Variants in MAML2 observed in about 807,000 individuals in gnomAD.
The protein encoded by MAML2 is mastermind like transcriptional coactivator 2.
MAML2 carries 22 observed loss-of-function variants against 96.1 expected under a neutral mutation model. That is an observed-to-expected ratio of 0.23 (90% CI 0.16 to 0.33). MAML2 has a LOEUF of 0.33. MAML2 is among the 10% of genes least tolerant of loss of function. The pLI is 1.00. For synonymous variants in MAML2, 561 were observed against 521.3 expected, an observed-to-expected ratio of 1.08 and a Z score of -1.04; for missense variants, 1,367 against 1,392.4, an observed-to-expected ratio of 0.98 and a Z score of 0.29.
Position 96,341,516 on chromosome 11 carries a change from G to T in MAML2, c.380C>A (p.Pro127Gln), listed in dbSNP as rs1185032963. Residue 127 changes from proline to glutamine, a missense_variant, in exon 1 of 5, where the codon CCA becomes CAA. Transcript: ENST00000524717. ...QAAATAAPPPPPDYHHHHQQH... is the reference protein window; with the variant it reads ...QAAATAAPPPQPDYHHHHQQH... ...CTGGTGGTGATGGTGATAGTCTGGT[G>T]GGGGCGGTGGGGCTGCTGTTGCTGC... 6 of 1,551,578 alleles carry T rather than the reference G, an allele frequency of 3.9e-6. No individual in the cohort carries two copies. The highest frequency in any genetic ancestry group is 5.2e-6 in the Non-Finnish European group (6 of 1,146,974).
chr11:96,128,478 A>G (rs1217685160), intron 1 of MAML2, among the ~76,000 whole-genome samples: 2 of 152,180 alleles, frequency 1.3e-5, no homozygotes, highest in Non-Finnish European at 2.9e-5. Context: ...GCTTATTGGT[A>G]TCATCATATA....
chr11:96,222,244 G>A (rs1862150725), intron 1 of MAML2, among the ~76,000 whole-genome samples: 1 of 152,216 alleles, frequency 6.6e-6, no homozygotes, highest in Admixed American at 6.5e-5. Flanking sequence ...TAGAAGCCAT[G>A]AGTTCCATAA....
chr11:96,106,980 C>CTTTTTTTTTTTTTTTTTT lies in MAML2; in HGVS notation c.514-13464_514-13463insAAAAAAAAAAAAAAAAAA, dbSNP rs71040129. Among the ~76,000 whole-genome samples, 15 of 90,298 alleles carry CTTTTTTTTTTTTTTTTTT rather than the reference C, an allele frequency of 1.7e-4. 1 individual carries two copies. Among genetic ancestry groups the CTTTTTTTTTTTTTTTTTT allele is most frequent in the East Asian group, 3.9e-4 (1 of 2,590 alleles). 59.2% of individuals were successfully genotyped at this position (90,298 alleles called of 152,430 possible). A position where few individuals can be genotyped will look rare whatever the true frequency, so the allele number is the denominator to read the frequency against. On this transcript the variant is annotated intron_variant, in intron 1 of 4. Coordinates refer to ENST00000524717, the MANE Select transcript of MAML2 (RefSeq NM_032427.4). ...TGCCATTGTAACTATGAAAAGAGTC[C>CTTTTTTTTTTTTTTTTTT]TTTTTTTTTTTTTGACCAGTGTATT...
intron 2 of MAML2, among the ~76,000 whole-genome samples, chr11:96,027,119 A>G (rs1858537206): frequency 6.6e-6 from 1 of 152,162 alleles, no homozygotes; most frequent in Admixed American, 6.5e-5. Context: ...AGCTGATGGG[A>G]CTTTGATTAC....
intron 2 of MAML2, among the ~76,000 whole-genome samples, chr11:96,077,653 C>T (rs1011462669): frequency 6.6e-6 from 1 of 152,150 alleles, no homozygotes; most frequent in Non-Finnish European, 1.5e-5. Flanking sequence ...CAGAAGCAAA[C>T]CATTTTGTGG....
At chr11:96,313,258 T>G (rs1209779720) in intron 1 of MAML2, among the ~76,000 whole-genome samples, 1 of 152,040 alleles carries the variant, frequency 6.6e-6, no homozygotes, top group African/African-American at 2.4e-5. Context: ...CTCTAAGAGG[T>G]TCACAAATCC....
chr11:96,149,756 C>T (rs888853813), intron 1 of MAML2, among the ~76,000 whole-genome samples: 18 of 152,020 alleles, frequency 1.2e-4, no homozygotes, highest in South Asian at 8.3e-4. Flanking sequence ...GTAAAGTTGT[C>T]CTCAGTCTGT....
At chr11:96,035,760 T>G (rs552430207) in intron 2 of MAML2, among the ~76,000 whole-genome samples, 1 of 152,346 alleles carries the variant, frequency 6.6e-6, no homozygotes, top group East Asian at 1.9e-4. Flanking sequence ...CAAAAGAGAC[T>G]GAGGAGATTT....
intron 1 of MAML2, among the ~76,000 whole-genome samples, chr11:96,116,689 A>G (rs1334841045): frequency 1.3e-5 from 2 of 152,256 alleles, no homozygotes; most frequent in African/African-American, 4.8e-5. Context: ...TCTACTAAAC[A>G]AGTGGATTCC....
At chr11:96,157,051 G>C (rs1861021018) in intron 1 of MAML2, among the ~76,000 whole-genome samples, 1 of 152,204 alleles carries the variant, frequency 6.6e-6, no homozygotes. Context: ...GCAGTGCTGA[G>C]ATGATTCAGC....
chr11:96,110,759 C>T (rs1411179322), intron 1 of MAML2, among the ~76,000 whole-genome samples: 1 of 152,058 alleles, frequency 6.6e-6, no homozygotes, highest in African/African-American at 2.4e-5. Flanking sequence ...AGATGGACGG[C>T]ATTGAGTGGG....
chr11:96,126,568 C>T (rs1423488833), intron 1 of MAML2, among the ~76,000 whole-genome samples: 2 of 151,776 alleles, frequency 1.3e-5, no homozygotes, highest in African/African-American at 4.8e-5. Flanking sequence ...TCTCACAAAA[C>T]AAAAAAATAG....
rs1333334236 is a variant in MAML2 at position 96,341,510 on chromosome 11, T to A, written c.386A>T (p.Asp129Val). ...AATAAPPPPP[D>V]YHHHHQQHLL... ...GTGCTGCTGGTGGTGATGGTGATAGTCTGGTGGGGGCGGTGGGGCTGCTGT... is the reference window on the plus strand; with the variant it reads ...GTGCTGCTGGTGGTGATGGTGATAGACTGGTGGGGGCGGTGGGGCTGCTGT... Residue 129 changes from aspartate to valine, a missense_variant, in exon 1 of 5, where the codon GAC becomes GTC. Physicochemically the swap from Asp to Val is radical, Grantham distance 152. Transcript: ENST00000524717. The A allele has an allele frequency of 2.6e-6, 4 of 1,551,258 alleles. No individual in the cohort carries two copies. In the Admixed American group the frequency reaches 7.8e-5, roughly 30 times the overall value.
chr11:96,036,478 C>T (rs757965775), intron 2 of MAML2, among the ~76,000 whole-genome samples: 1 of 152,146 alleles, frequency 6.6e-6, no homozygotes, highest in African/African-American at 2.4e-5. Flanking sequence ...TGGAACAGGT[C>T]TGGTCACCAC....
At chr11:96,027,178 C>CA (rs1429570313) in intron 2 of MAML2, among the ~76,000 whole-genome samples, 1 of 152,182 alleles carries the variant, frequency 6.6e-6, no homozygotes, top group Non-Finnish European at 1.5e-5. Context: ...ATCCTTTGAA[C>CA]AAACCTTACA....
chr11:96,270,156 T>C (rs1862895148), intron 1 of MAML2, among the ~76,000 whole-genome samples: 1 of 109,736 alleles, frequency 9.1e-6, no homozygotes, highest in African/African-American at 4.0e-5. Context: ...AGCAACCCCA[T>C]CCTTGTAGCT....
intron 4 of MAML2, among the ~76,000 whole-genome samples, chr11:95,983,410 G>A (rs1359993993): frequency 6.6e-6 from 1 of 152,156 alleles, no homozygotes; most frequent in African/African-American, 2.4e-5. Context: ...GGAGGATGTG[G>A]GGAGAAAAAG....
intron 1 of MAML2, among the ~76,000 whole-genome samples, chr11:96,111,432 T>C (rs987008143): frequency 1.3e-5 from 2 of 152,230 alleles, no homozygotes; most frequent in African/African-American, 4.8e-5. Context: ...CATGTGTGTC[T>C]GTGTGAGTGT....
In MAML2 at chr11:95,977,369, G is replaced by A. The variant is rs575203054; in HGVS notation, c.*1579C>T. The A allele has an allele frequency of 5.3e-6, 1 of 188,254 alleles. No homozygotes were observed. Among genetic ancestry groups the A allele is most frequent in the East Asian group, 8.5e-5 (1 of 11,708 alleles). 11.7% of individuals were successfully genotyped at this position (188,254 alleles called of 1,614,324 possible). A position where few individuals can be genotyped will look rare whatever the true frequency, so the allele number is the denominator to read the frequency against. The stretch of plus-strand genomic sequence containing the variant: ...ATTCTGGGCCAGTGATGTTGGTATT[G>A]TAAAGAAGGAGAGTGCTTCCAGACA... On this transcript the variant is annotated 3_prime_UTR_variant, in exon 5 of 5. Coordinates refer to ENST00000524717, the MANE Select transcript of MAML2 (RefSeq NM_032427.4).
Sources: gnomAD v4.1 joint callset for allele counts (sites outside exome capture counted in the v4.1 genomes callset) on GRCh38, gnomAD v4.1.1 for gene constraint, MANE v1.5 for transcripts, NCBI Gene and HGNC (gene_info 2026-07-23, HGNC 2026-07-21) for gene names.